The following ANKRD30BL variants were observed in gnomAD, a reference collection of about 807,000 sequenced individuals.
ANKRD30BL encodes ankyrin repeat domain 30B like.
A neutral mutation model predicts 18.4 loss-of-function variants in ANKRD30BL; 20 were observed. That is an observed-to-expected ratio of 1.09 (90% CI 0.77 to 1.58). The LOEUF (loss-of-function observed/expected upper bound fraction) is 1.58. Among genes scored for constraint, ANKRD30BL ranks in the 40% most tolerant of loss-of-function variants. The probability of loss-of-function intolerance (pLI) is 0.00; values close to 1 mark genes in which losing one functional copy is unlikely to be tolerated. For synonymous variants in ANKRD30BL, 72 were observed against 100.9 expected (o/e 0.71, Z 1.72); for missense variants, 224 against 268.6 (o/e 0.83, Z 1.16).
rs375576155 is a variant in ANKRD30BL at position 132,220,930 on chromosome 2, C to T, written n.441+36599G>A. Among the ~76,000 whole-genome samples, 618 of 151,926 alleles carry T rather than the reference C, an allele frequency of 4.1e-3. 6 individuals are homozygous for T. The highest frequency in any genetic ancestry group is 0.014 in the African/African-American group (590 of 41,448). The stretch of plus-strand genomic sequence containing the variant: ...CTAGGAAGCGAGGAGCTCCTCTTCC[C>T]GGCCGCCATCCCATCTAGGAAGTGA... On this transcript the variant is annotated intron_variant and non_coding_transcript_variant, in intron 1 of 4. Coordinates refer to the ANKRD30BL transcript ENST00000470729.
At chr2:132,238,121 A>C (rs1680211658) in intron 1 of ANKRD30BL, among the ~76,000 whole-genome samples, 1 of 152,002 alleles carries the variant, frequency 6.6e-6, no homozygotes, top group South Asian at 2.1e-4. Context: ...ATGTTGAAAA[A>C]GGAAATATCT....
chr2:132,254,360 G>A (rs144595072), intron 1 of ANKRD30BL, among the ~76,000 whole-genome samples: 7 of 152,150 alleles, frequency 4.6e-5, no homozygotes, highest in South Asian at 4.1e-4. Flanking sequence ...TGATCCCTCC[G>A]CAGGTTCACC....
chr2:132,229,781 A>G lies in ANKRD30BL; in HGVS notation n.441+27748T>C, dbSNP rs544563652. Among the ~76,000 whole-genome samples the G allele has an allele frequency of 3.2e-3, 486 of 152,252 alleles. 2 individuals are homozygous for G. The highest frequency in any genetic ancestry group is 0.011 in the African/African-American group (456 of 41,566). ...GAGAAATTTGAGGACTATGGTGGGAAAGGAAATATCTTCACATAAAAACTA... is the reference window on the plus strand; with the variant it reads ...GAGAAATTTGAGGACTATGGTGGGAGAGGAAATATCTTCACATAAAAACTA... On this transcript the variant is annotated intron_variant and non_coding_transcript_variant, in intron 1 of 4. Transcript: ENST00000470729.
chr2:132,206,986 C>T (rs1679224169), intron 1 of ANKRD30BL, among the ~76,000 whole-genome samples: 1 of 152,270 alleles, frequency 6.6e-6, no homozygotes, highest in South Asian at 2.1e-4. Context: ...TTTCCTCTTC[C>T]CTTCTTATGA....
rs544680316 is a variant in ANKRD30BL at position 132,150,646 on chromosome 2, T to C, written c.679+266A>G. 1.3e-3 allele frequency among the ~76,000 whole-genome samples: 192 copies of C among 152,070 alleles called. 1 individual carries two copies. The highest frequency in any genetic ancestry group is 3.8e-3 in the African/African-American group (156 of 41,550). ...TTTACTTATTTATACAAAAGTATTATATAGGATATTAGGGACCACAATTAA... is the reference window on the plus strand; with the variant it reads ...TTTACTTATTTATACAAAAGTATTACATAGGATATTAGGGACCACAATTAA... On this transcript the variant is annotated intron_variant, in intron 5 of 5. Transcript: ENST00000409867.
intron 1 of ANKRD30BL, among the ~76,000 whole-genome samples, chr2:132,213,197 G>A (rs1008731254): frequency 7.9e-5 from 12 of 151,282 alleles, no homozygotes; most frequent in East Asian, 1.9e-4. Context: ...TTTGTGATGC[G>A]TGCATTCATC....
chr2:132,161,861 C>A lies in ANKRD30BL; in HGVS notation c.-156G>T, dbSNP rs1017133635. On this transcript the variant is annotated 5_prime_UTR_variant, in exon 1 of 6. Transcript: ENST00000409867. ...AGCTTTTGGACACTCCAACCTCTCC[C>A]GGGAGAAAATGGCTGCGCAAAACCG... 4 of 604,014 alleles carry A rather than the reference C, an allele frequency of 6.6e-6. No homozygotes were observed. Among genetic ancestry groups the A allele is most frequent in the Admixed American group, 3.0e-5 (1 of 33,330 alleles). 37.4% of individuals were successfully genotyped at this position (604,014 alleles called of 1,614,324 possible). A position where few individuals can be genotyped will look rare whatever the true frequency, so the allele number is the denominator to read the frequency against.
intron 1 of ANKRD30BL, among the ~76,000 whole-genome samples, chr2:132,208,710 A>G (rs1485262272): frequency 1.3e-5 from 2 of 151,546 alleles, no homozygotes; most frequent in Middle Eastern, 3.2e-3. Flanking sequence ...CAAGGAGACT[A>G]CATCTGGATT....
intron 1 of ANKRD30BL, among the ~76,000 whole-genome samples, chr2:132,225,073 T>C (rs796959450): frequency 1.1e-4 from 16 of 151,764 alleles, no homozygotes; most frequent in African/African-American, 3.9e-4. Context: ...AATAGAGCAG[T>C]TTTGAAACAC....
intron 1 of ANKRD30BL, among the ~76,000 whole-genome samples, chr2:132,158,598 C>A (rs866106515): frequency 1.3e-5 from 2 of 151,328 alleles, no homozygotes; most frequent in African/African-American, 4.8e-5. Context: ...ATGAAAGGAT[C>A]TTGAGAGTTA....
chr2:132,257,046 C>A (rs78327226), intron 1 of ANKRD30BL: 4 of 515,230 alleles, frequency 7.8e-6, no homozygotes, highest in Non-Finnish European at 1.6e-5. Flanking sequence ...GGTACCGCAG[C>A]GACCCGCCTA....
chr2:132,153,557 A>G (rs749132531), intron 4 of ANKRD30BL: 11 of 558,120 alleles, frequency 2.0e-5, no homozygotes, highest in Non-Finnish European at 3.5e-5. Context: ...AAACACTTAG[A>G]GATTAAATCC....
Position 132,154,688 on chromosome 2 carries a change from A to G in ANKRD30BL, c.588T>C (p.Asn196=). 1 of 726,760 alleles carries G rather than the reference A, an allele frequency of 1.4e-6. No individual in the cohort carries two copies. Among genetic ancestry groups the G allele is most frequent in the Non-Finnish European group, 2.6e-6 (1 of 389,254 alleles). The allele number at this position is 726,760 out of a possible 1,614,324, so 45.0% of individuals were successfully genotyped here. The change falls in exon 4 of 6, where the codon AAT becomes AAC. Residue 196 remains asparagine, a synonymous_variant. Coordinates refer to ENST00000409867, the MANE Select transcript of ANKRD30BL (RefSeq NM_001358416.1). ...IVEFLLTKNA[N]ANAVDKFKCV... The stretch of plus-strand genomic sequence containing the variant: ...ATTTAAACTTATCAACTGCATTTGC[A>G]TTTGCATTTTTTGTCAGTAAAAATT...
intron 1 of ANKRD30BL, among the ~76,000 whole-genome samples, chr2:132,201,134 A>C (rs1679089521): frequency 6.6e-6 from 1 of 152,150 alleles, no homozygotes; most frequent in African/African-American, 2.4e-5. Flanking sequence ...CACCTTATAC[A>C]AAAATCAATT....
chr2:132,241,007 A>G (rs112857667), intron 1 of ANKRD30BL, among the ~76,000 whole-genome samples: 1 of 151,216 alleles, frequency 6.6e-6, no homozygotes, highest in East Asian at 1.9e-4. Flanking sequence ...GAATATCTTC[A>G]CATAAAAACT....
At chr2:132,169,387 G>A (rs545345501) in intron 1 of ANKRD30BL, among the ~76,000 whole-genome samples, 39 of 152,242 alleles carry the variant, frequency 2.6e-4, no homozygotes, top group South Asian at 1.5e-3. Flanking sequence ...GGTGGCCCAC[G>A]CCTGTAATCC....
upstream of ANKRD30BL, among the ~76,000 whole-genome samples, chr2:132,163,985 T>A (rs1234948198): frequency 1.3e-5 from 2 of 152,238 alleles, no homozygotes; most frequent in Non-Finnish European, 2.9e-5. Flanking sequence ...TAAGTGTTAG[T>A]TCATACTGAT....
chr2:132,168,515 A>G (rs968554768), intron 1 of ANKRD30BL, among the ~76,000 whole-genome samples: 1 of 152,226 alleles, frequency 6.6e-6, no homozygotes, highest in Non-Finnish European at 1.5e-5. Flanking sequence ...AAAGACAAAT[A>G]TACTGCATAA....
chr2:132,150,116 G>T (rs1439571536), intron 5 of ANKRD30BL, among the ~76,000 whole-genome samples: 1 of 151,974 alleles, frequency 6.6e-6, no homozygotes, highest in Admixed American at 6.5e-5. Context: ...ATACTCGACT[G>T]TAATTAATTC....
Sources: gnomAD v4.1 joint callset for allele counts (sites outside exome capture counted in the v4.1 genomes callset) on GRCh38, gnomAD v4.1.1 for gene constraint, MANE v1.5 for transcripts, NCBI Gene and HGNC (gene_info 2026-07-23, HGNC 2026-07-21) for gene names.